The following MGLL variants were observed in gnomAD, a reference collection of about 807,000 sequenced individuals.
MGLL encodes the protein lysophospholipase homolog.
A neutral mutation model predicts 29.1 loss-of-function variants in MGLL; 7 were observed. The observed-to-expected ratio is 0.24, with a 90% CI of 0.14 to 0.45. The LOEUF is 0.45. Among genes scored for constraint, MGLL ranks in the 20% least tolerant of loss-of-function variants. The pLI is 0.99. For missense variants in MGLL, 356 were observed against 413.6 expected, an observed-to-expected ratio of 0.86 and a Z score of 1.21; for synonymous variants, 148 against 168.3, an observed-to-expected ratio of 0.88 and a Z score of 0.93.
intron 3 of MGLL, among the ~76,000 whole-genome samples, chr3:127,734,174 A>G (rs1033638307): frequency 1.3e-5 from 2 of 152,118 alleles, no homozygotes; most frequent in Non-Finnish European, 2.9e-5. Context: ...CCTTGAATCT[A>G]CCTTGACCGG....
Position 127,695,114 on chromosome 3 carries a change from G to A in MGLL, c.677C>T (p.Ala226Val), listed in dbSNP as rs780490981. 4 of 1,614,082 alleles carry A rather than the reference G, an allele frequency of 2.5e-6. No individual in the cohort carries two copies. Among genetic ancestry groups the A allele is most frequent in the Non-Finnish European group, 3.4e-6 (4 of 1,180,056 alleles). Residue 226 changes from alanine to valine, a missense_variant, in exon 7 of 8, where the codon GCC (alanine) becomes GTC (valine). Ala to Val is a moderately conservative substitution (Grantham distance 64, BLOSUM62 0). Transcript: ENST00000265052. ...KVCFGIQLLNAVSRVERALPK... is the reference protein window; with the variant it reads ...KVCFGIQLLNVVSRVERALPK... ...GAGGGCGCGCTCCACCCGTGAGACG[G>A]CATTCAGCAGTTGGATGCCGAAGCA...
chr3:127,756,998 C>T (rs1162251208), intron 3 of MGLL, among the ~76,000 whole-genome samples: 2 of 152,182 alleles, frequency 1.3e-5, no homozygotes, highest in African/African-American at 2.4e-5. Flanking sequence ...CCACTGTCCC[C>T]ACCCTGTAAA....
At chr3:127,751,750 C>A (rs866674361) in intron 3 of MGLL, among the ~76,000 whole-genome samples, 139 of 151,794 alleles carry the variant, frequency 9.2e-4, no homozygotes, top group Middle Eastern at 3.4e-3. Flanking sequence ...CAAAAAAAAA[C>A]CCCAAAAAAT....
intron 3 of MGLL, among the ~76,000 whole-genome samples, chr3:127,758,855 C>T (rs2076709805): frequency 1.3e-5 from 2 of 151,868 alleles, no homozygotes; most frequent in Admixed American, 6.6e-5. Flanking sequence ...ACATGACCCT[C>T]ACAGGAAAGG....
intron 3 of MGLL, among the ~76,000 whole-genome samples, chr3:127,759,216 C>T (rs973398790): frequency 3.3e-5 from 5 of 152,186 alleles, no homozygotes; most frequent in Admixed American, 6.5e-5. Flanking sequence ...TGAGCCACTG[C>T]GCCCGGCCCT....
chr3:127,715,988 G>T (rs1225436315), intron 5 of MGLL: 1 of 366,944 alleles, frequency 2.7e-6, no homozygotes, highest in East Asian at 7.4e-5. Flanking sequence ...CCCCTGCATG[G>T]CTCCCCCATT....
intron 6 of MGLL, among the ~76,000 whole-genome samples, chr3:127,695,657 T>G (rs759140452): frequency 6.6e-6 from 1 of 151,952 alleles, no homozygotes; most frequent in Non-Finnish European, 1.5e-5. Flanking sequence ...GGTGGGAGAA[T>G]CCCTTGAACC....
At chr3:127,773,366 G>A (rs970373335) in intron 3 of MGLL, among the ~76,000 whole-genome samples, 3 of 152,200 alleles carry the variant, frequency 2.0e-5, no homozygotes, top group South Asian at 2.1e-4. Context: ...CAGCTTCCTC[G>A]TCAGTAAGAG....
At chr3:127,793,543 T>C (rs2077335215) in intron 2 of MGLL, among the ~76,000 whole-genome samples, 1 of 152,194 alleles carries the variant, frequency 6.6e-6, no homozygotes, top group Admixed American at 6.5e-5. Context: ...TAAGTGGGTC[T>C]TATTTTATAG....
At chr3:127,808,345 C>A (rs77957549) in intron 2 of MGLL, among the ~76,000 whole-genome samples, 1 of 152,104 alleles carries the variant, frequency 6.6e-6, no homozygotes, top group Non-Finnish European at 1.5e-5. Context: ...GTCAGACTTC[C>A]CCCTTGCAGT....
intron 7 of MGLL, 137 bp downstream of exon 7, chr3:127,694,838 C>T (rs181661164): frequency 0.016 from 11,519 of 740,768 alleles, 125 homozygotes; most frequent in Middle Eastern, 0.035. Context: ...TTATTTATTT[C>T]TCGGTCAAGC....
intron 2 of MGLL, among the ~76,000 whole-genome samples, chr3:127,813,019 G>A (rs563106883): frequency 2.6e-5 from 4 of 152,284 alleles, no homozygotes; most frequent in Non-Finnish European, 5.9e-5. Context: ...AACGTCTAAA[G>A]ACAGCAATTT....
intron 3 of MGLL, among the ~76,000 whole-genome samples, chr3:127,748,408 A>AG (rs2076491004): frequency 1.5e-5 from 2 of 137,732 alleles, no homozygotes; most frequent in African/African-American, 5.7e-5. Flanking sequence ...GAGAGAGAGA[A>AG]AGAGAGAGAG....
At chr3:127,710,949 C>T in intron 5 of MGLL, 1 of 462,230 alleles carries the variant, frequency 2.2e-6, no homozygotes, top group Non-Finnish European at 4.0e-6. Context: ...TATACCCTCC[C>T]CATGATCGCT....
intron 5 of MGLL, among the ~76,000 whole-genome samples, chr3:127,718,719 C>A (rs565904775): frequency 1.3e-5 from 2 of 152,328 alleles, no homozygotes; most frequent in South Asian, 4.1e-4. Context: ...ACGGGAGTTG[C>A]AGAGACTCTC....
intron 2 of MGLL, among the ~76,000 whole-genome samples, chr3:127,794,906 G>A (rs754142324): frequency 1.1e-4 from 17 of 152,202 alleles, no homozygotes; most frequent in Admixed American, 5.2e-4. Flanking sequence ...TTGGAAGAAA[G>A]TTAATGTGTG....
At chr3:127,717,992 A>G (rs1440627370) in intron 5 of MGLL, among the ~76,000 whole-genome samples, 1 of 152,170 alleles carries the variant, frequency 6.6e-6, no homozygotes, top group Non-Finnish European at 1.5e-5. Context: ...ACTTTGCGAA[A>G]CCACTTTCTC....
At chr3:127,720,706 G>C (rs1361638952) in intron 5 of MGLL, among the ~76,000 whole-genome samples, 3 of 152,210 alleles carry the variant, frequency 2.0e-5, no homozygotes, top group Non-Finnish European at 1.5e-5. Flanking sequence ...TGCTGAAGTT[G>C]GCAAATAATC....
intron 5 of MGLL, chr3:127,716,004 G>A (rs2075808091): frequency 2.8e-6 from 1 of 363,372 alleles, no homozygotes; most frequent in African/African-American, 2.1e-5. Flanking sequence ...CCATTGAGGT[G>A]AGACCCCCCG....
Sources: gnomAD v4.1 joint callset for allele counts (sites outside exome capture counted in the v4.1 genomes callset) on GRCh38, gnomAD v4.1.1 for gene constraint, MANE v1.5 for transcripts, NCBI Gene and HGNC (gene_info 2026-07-23, HGNC 2026-07-21) for gene names.